The following PLXNA2 variants were observed in gnomAD, a reference collection of about 807,000 sequenced individuals.
The protein encoded by PLXNA2 is plexin-A2.
PLXNA2 carries 91 observed loss-of-function variants against 193.5 expected under a neutral mutation model. The ratio of observed to expected loss-of-function variants is 0.47; its 90% CI spans 0.40 to 0.56. The LOEUF (loss-of-function observed/expected upper bound fraction) is 0.56, where lower values mean the gene tolerates loss of function less well. Among genes scored for constraint, PLXNA2 ranks in the 20% least tolerant of loss-of-function variants. PLXNA2 has a pLI of 0.00. For missense variants in PLXNA2, 1,995 were observed against 2,503.2 expected, an observed-to-expected ratio of 0.80 and a Z score of 4.33; for synonymous variants, 997 against 1,027.3, an observed-to-expected ratio of 0.97 and a Z score of 0.56.
chr1:208,153,887 T>G (rs957396162), intron 3 of PLXNA2, among the ~76,000 whole-genome samples: 3 of 152,318 alleles, frequency 2.0e-5, no homozygotes, highest in African/African-American at 7.2e-5. Context: ...AAGATTCTGT[T>G]TGAATAGCTG....
Position 208,042,301 on chromosome 1 carries a change from G to C in PLXNA2, c.4083C>G (p.Asn1361Lys). The change falls in exon 22 of 32, where the codon AAC becomes AAG. Residue 1361 changes from asparagine (N) to lysine (K), a missense_variant. Asn to Lys is a moderately conservative substitution (Grantham distance 94). Coordinates refer to ENST00000367033, the MANE Select transcript of PLXNA2 (RefSeq NM_025179.4). ...ALKLFAQLIN[N>K]KVFLLTFIRT... ...GGATGAAGGTCAGCAGGAACACCTT[G>C]TTGTTGATGAGCTGGGCAAAGAGCT... 7 of 1,614,198 alleles carry C rather than the reference G, an allele frequency of 4.3e-6. No individual in the cohort carries two copies. The highest frequency in any genetic ancestry group is 5.9e-6 in the Non-Finnish European group (7 of 1,180,018).
chr1:208,030,969 G>C (rs1366627071), intron 29 of PLXNA2: 1 of 987,484 alleles, frequency 1.0e-6, no homozygotes, highest in African/African-American at 1.7e-5. Flanking sequence ...TTAGGGGAGA[G>C]AGTCATGCCT....
chr1:208,190,544 A>G (rs1040984689), intron 3 of PLXNA2, among the ~76,000 whole-genome samples: 10 of 152,242 alleles, frequency 6.6e-5, no homozygotes, highest in African/African-American at 2.2e-4. Context: ...TGTCAACCTC[A>G]GTACTATCGA....
chr1:208,039,730 G>A lies in PLXNA2; in HGVS notation c.4391C>T (p.Ala1464Val). 1 of 1,614,160 alleles carries A rather than the reference G, an allele frequency of 6.2e-7. No individual in the cohort carries two copies. Among genetic ancestry groups the A allele is most frequent in the Non-Finnish European group, 8.5e-7 (1 of 1,180,036 alleles). The change falls in exon 24 of 32, where the codon GCC (alanine) becomes GTC (valine). Residue 1464 changes from alanine (A) to valine (V), a missense_variant. Transcript: ENST00000367033. ...AGEPLFMLYC[A>V]IKQQMEKGPI... ...GCCCTTCTCCATCTGCTGCTTGATG[G>A]CACAGTATAGCATGAAGAGTGGCTC...
chr1:208,165,576 A>G (rs1383286858), intron 3 of PLXNA2, among the ~76,000 whole-genome samples: 2 of 152,158 alleles, frequency 1.3e-5, no homozygotes, highest in East Asian at 3.9e-4. Context: ...TAGGAAAACA[A>G]CAACGGGGCA....
intron 3 of PLXNA2, among the ~76,000 whole-genome samples, chr1:208,153,324 G>A (rs1246256948): frequency 6.6e-6 from 1 of 152,186 alleles, no homozygotes; most frequent in Non-Finnish European, 1.5e-5. Context: ...AGTAGGGTGA[G>A]GTAACTTCCC....
chr1:208,172,280 G>A (rs1302327847), intron 3 of PLXNA2, among the ~76,000 whole-genome samples: 1 of 152,034 alleles, frequency 6.6e-6, no homozygotes, highest in East Asian at 2.0e-4. Context: ...AGGAAGTACT[G>A]TGGAATTGGA....
At chr1:208,124,482 C>T (rs1474624362) in intron 4 of PLXNA2, among the ~76,000 whole-genome samples, 1 of 151,856 alleles carries the variant, frequency 6.6e-6, no homozygotes, top group Non-Finnish European at 1.5e-5. Context: ...AGTTCAAGGC[C>T]AGCCTGGCCA....
intron 4 of PLXNA2, among the ~76,000 whole-genome samples, chr1:208,122,417 T>C (rs1174908965): frequency 6.6e-6 from 1 of 152,252 alleles, no homozygotes; most frequent in African/African-American, 2.4e-5. Flanking sequence ...TATTTCTTCA[T>C]CTTTATCCAT....
At chr1:208,099,456 A>G (rs1434242850) in intron 5 of PLXNA2, among the ~76,000 whole-genome samples, 1 of 152,252 alleles carries the variant, frequency 6.6e-6, no homozygotes, top group Non-Finnish European at 1.5e-5. Flanking sequence ...AAAGTCATTT[A>G]CAGCCAGTGT....
intron 12 of PLXNA2, among the ~76,000 whole-genome samples, chr1:208,076,474 T>C (rs1212550975): frequency 7.2e-5 from 11 of 152,170 alleles, no homozygotes; most frequent in Non-Finnish European, 1.6e-4. Flanking sequence ...ATTTTTATGT[T>C]CTTGCTCAAA....
rs557058142 is a variant in PLXNA2 at position 208,130,779 on chromosome 1, T to C, written c.1506+11550A>G. Among the ~76,000 whole-genome samples, 157 of 152,288 alleles carry C rather than the reference T, an allele frequency of 1.0e-3. 5 individuals are homozygous for C. In the South Asian group the frequency reaches 0.031, roughly 30 times the overall value. On this transcript the variant is annotated intron_variant, in intron 4 of 31. Coordinates refer to ENST00000367033, the MANE Select transcript of PLXNA2 (RefSeq NM_025179.4). ...CAACAAACTCCCTGGCAGTTCAAAG[T>C]TGGATTCCAAATTTTGTCCCTAGGA...
At position 208,045,868 on chromosome 1, in the gene PLXNA2, G is replaced by C; in HGVS notation, c.3495+10C>G. On this transcript the variant is annotated intron_variant, in intron 18 of 31. Coordinates refer to ENST00000367033, the MANE Select transcript of PLXNA2 (RefSeq NM_025179.4). ...CCCTGGTGGCACTGCCCTCTGGCGG[G>C]CACTCCTACCTTCAGAATGATGGGC... 1 of 1,613,920 alleles carries C rather than the reference G, an allele frequency of 6.2e-7. No individual in the cohort carries two copies. Among genetic ancestry groups the C allele is most frequent in the Non-Finnish European group, 8.5e-7 (1 of 1,179,790 alleles).
chr1:208,048,934 C>A (rs375582483), intron 17 of PLXNA2, among the ~76,000 whole-genome samples: 1 of 152,198 alleles, frequency 6.6e-6, no homozygotes, highest in Non-Finnish European at 1.5e-5. Context: ...ACGAACCAAT[C>A]CAGACCCCAC....
intron 22 of PLXNA2, chr1:208,040,340 A>G: frequency 4.2e-6 from 2 of 478,928 alleles, no homozygotes; most frequent in East Asian, 3.8e-5. Flanking sequence ...CATCTGAGAC[A>G]GGGTCTGTGG....
At chr1:208,225,106 G>A (rs1428423275) in intron 1 of PLXNA2, among the ~76,000 whole-genome samples, 2 of 152,186 alleles carry the variant, frequency 1.3e-5, no homozygotes, top group African/African-American at 2.4e-5. Flanking sequence ...GTGCGTGACA[G>A]TGAGGGACCC....
At chr1:208,181,227 G>A (rs570445079) in intron 3 of PLXNA2, among the ~76,000 whole-genome samples, 8 of 152,188 alleles carry the variant, frequency 5.3e-5, no homozygotes, top group South Asian at 2.1e-4. Flanking sequence ...TAGGCAGACC[G>A]AGCCTTTTCC....
chr1:208,118,119 C>T (rs879342652), intron 4 of PLXNA2, among the ~76,000 whole-genome samples: 1 of 152,224 alleles, frequency 6.6e-6, no homozygotes, highest in Non-Finnish European at 1.5e-5. Context: ...ACTGCTGTTC[C>T]TCACTAGCAT....
chr1:208,080,197 G>A (rs1342697820), intron 11 of PLXNA2, among the ~76,000 whole-genome samples: 1 of 152,108 alleles, frequency 6.6e-6, no homozygotes, highest in Non-Finnish European at 1.5e-5. Context: ...AGTGAGGGAA[G>A]CATTGCTGAT....
Sources: gnomAD v4.1 joint callset for allele counts (sites outside exome capture counted in the v4.1 genomes callset) on GRCh38, gnomAD v4.1.1 for gene constraint, MANE v1.5 for transcripts, NCBI Gene and HGNC (gene_info 2026-07-23, HGNC 2026-07-21) for gene names.